The following BMS1 variants were observed in gnomAD, a reference collection of about 807,000 sequenced individuals.
BMS1 encodes the protein ribosome biogenesis protein BMS1 homolog.
A neutral mutation model predicts 138.7 loss-of-function variants in BMS1; 53 were observed. That is an observed-to-expected ratio of 0.38 (90% confidence interval 0.31 to 0.48). BMS1 has a LOEUF of 0.48. Ranked by LOEUF, BMS1 falls within the 20% of genes least tolerant of loss-of-function variation. BMS1 has a pLI of 0.97. For missense variants in BMS1, 1,360 were observed against 1,565.5 expected (o/e 0.87, Z 2.22); for synonymous variants, 504 against 539.9 (o/e 0.93, Z 0.92).
intron 4 of BMS1, among the ~76,000 whole-genome samples, chr10:42,787,655 G>C (rs1841378206): frequency 6.6e-6 from 1 of 152,148 alleles, no homozygotes; most frequent in South Asian, 2.1e-4. Flanking sequence ...CACCCTTGAG[G>C]TGAGTAGGTA....
At chr10:42,798,355 C>CA (rs1040551745) in intron 11 of BMS1, 113 bp from the exon 12 acceptor site, 18 of 1,330,786 alleles carry the variant, frequency 1.4e-5, no homozygotes, top group Non-Finnish European at 1.9e-5. Context: ...CCACCACAGA[C>CA]AGAGTCCCTC....
At chr10:42,811,776 G>A (rs992290438) in intron 13 of BMS1, among the ~76,000 whole-genome samples, 39 of 151,680 alleles carry the variant, frequency 2.6e-4, no homozygotes, top group African/African-American at 7.5e-4. Flanking sequence ...CGCCCGCCTC[G>A]GCCTCCCAAA....
chr10:42,814,880 G>A (rs891258288), intron 13 of BMS1, among the ~76,000 whole-genome samples: 3 of 152,062 alleles, frequency 2.0e-5, no homozygotes, highest in Admixed American at 6.5e-5. Context: ...CCTTTGATCT[G>A]GGGGGACTGA....
At chr10:42,792,893 A>G in intron 7 of BMS1, 64 bp from the exon 8 acceptor site, 1 of 1,526,662 alleles carries the variant, frequency 6.6e-7, no homozygotes, top group Non-Finnish European at 8.9e-7. Flanking sequence ...TTAACCCCCT[A>G]GTCAATGGTA....
intron 5 of BMS1, 25 bp from the exon 6 acceptor site, chr10:42,791,602 T>C: frequency 1.3e-6 from 2 of 1,574,632 alleles, no homozygotes; most frequent in Non-Finnish European, 1.7e-6. Context: ...TGAAATTTAA[T>C]TTTTAATTTT....
intron 2 of BMS1, among the ~76,000 whole-genome samples, chr10:42,785,194 A>G (rs1841288834): frequency 6.6e-6 from 1 of 152,216 alleles, no homozygotes; most frequent in African/African-American, 2.4e-5. Flanking sequence ...AATCACTCTT[A>G]AAACAGTCAG....
At chr10:42,810,024 A>T (rs1250692803) in intron 13 of BMS1, among the ~76,000 whole-genome samples, 3 of 134,734 alleles carry the variant, frequency 2.2e-5, no homozygotes, top group Non-Finnish European at 4.7e-5. Flanking sequence ...GCTTCAAGGG[A>T]ACTCTTGGCT....
chr10:42,809,951 A>G (rs958111560), intron 13 of BMS1, among the ~76,000 whole-genome samples: 8 of 130,568 alleles, frequency 6.1e-5, no homozygotes, highest in Non-Finnish European at 1.3e-4. Context: ...ATGTCTGGCT[A>G]ATTTTTTTTT....
In BMS1 at chr10:42,833,391, T is replaced by C. The variant is rs1385981944; in HGVS notation, c.*2295T>C. The C allele has an allele frequency of 6.6e-6, 1 of 152,214 alleles. No individual in the cohort carries two copies. The highest frequency in any genetic ancestry group is 1.5e-5 in the Non-Finnish European group (1 of 68,034). 9.4% of individuals were successfully genotyped at this position (152,214 alleles called of 1,614,324 possible). ...CACACATCAGTTAAGGATGGGGATA[T>C]ATTCTGAGAAATGTATCATTAGGCA... On this transcript the variant is annotated 3_prime_UTR_variant, in exon 23 of 23. Coordinates refer to ENST00000374518, the MANE Select transcript of BMS1 (RefSeq NM_014753.4).
intron 5 of BMS1, among the ~76,000 whole-genome samples, 174 bp downstream of exon 5, chr10:42,790,685 A>G (rs1483653720): frequency 6.6e-6 from 1 of 152,060 alleles, no homozygotes; most frequent in African/African-American, 2.4e-5. Flanking sequence ...CCCCATCTGT[A>G]CTAAAAATGC....
At chr10:42,802,277 G>A (rs1393419004) in intron 13 of BMS1, 59 bp downstream of exon 13, 3 of 1,476,802 alleles carry the variant, frequency 2.0e-6, no homozygotes, top group Admixed American at 1.7e-5. Context: ...ATTTTCTTCA[G>A]TATCTTAGAC....
Position 42,784,346 on chromosome 10 carries a change from A to T in BMS1, c.-33-16A>T. ...ATGCTTCTCCCATCTCCTTACCCCAACCTTCTTCCTTGTAGGTTAGAGTTA... is the reference window on the plus strand; with the variant it reads ...ATGCTTCTCCCATCTCCTTACCCCATCCTTCTTCCTTGTAGGTTAGAGTTA... On this transcript the variant is annotated splice_polypyrimidine_tract_variant and intron_variant, in intron 1 of 22. Transcript: ENST00000374518. 6.5e-7 allele frequency: 1 copy of T among 1,530,010 alleles called. No individual in the cohort carries two copies. Among genetic ancestry groups the T allele is most frequent in the Non-Finnish European group, 8.7e-7 (1 of 1,144,822 alleles). 94.8% of individuals were successfully genotyped at this position (1,530,010 alleles called of 1,614,324 possible).
intron 9 of BMS1, among the ~76,000 whole-genome samples, chr10:42,795,666 T>G (rs376627709): frequency 6.6e-6 from 1 of 152,122 alleles, no homozygotes; most frequent in South Asian, 2.1e-4. Context: ...GGTATGATTT[T>G]CAGTTTTTTC....
chr10:42,802,042 T>C (rs955608208), intron 12 of BMS1, 95 bp from the exon 13 acceptor site: 3 of 884,306 alleles, frequency 3.4e-6, no homozygotes, highest in African/African-American at 3.4e-5. Flanking sequence ...AAGTGGGAAA[T>C]ATTTAAAGGC....
chr10:42,803,402 G>A (rs1178193397), intron 13 of BMS1, among the ~76,000 whole-genome samples: 1 of 152,122 alleles, frequency 6.6e-6, no homozygotes, highest in East Asian at 1.9e-4. Context: ...GCCTTCCAAA[G>A]TGCTGGGATT....
intron 13 of BMS1, among the ~76,000 whole-genome samples, chr10:42,814,278 T>G: frequency 6.6e-6 from 1 of 152,194 alleles, no homozygotes; most frequent in Non-Finnish European, 1.5e-5. Context: ...TTCATTTGTT[T>G]TCAGGTTATT....
At chr10:42,807,186 G>A (rs927571222) in intron 13 of BMS1, among the ~76,000 whole-genome samples, 3 of 152,120 alleles carry the variant, frequency 2.0e-5, no homozygotes, top group Non-Finnish European at 2.9e-5. Context: ...ACACACCCAC[G>A]TCCCTGCTGT....
intron 18 of BMS1, 150 bp from the exon 19 acceptor site, chr10:42,821,912 A>G (rs1418936515): frequency 1.2e-6 from 1 of 809,360 alleles, no homozygotes; most frequent in Non-Finnish European, 2.0e-6. Flanking sequence ...CTTTTGTCAA[A>G]CCACTGGGTT....
chr10:42,819,624 A>C (rs1588751147), intron 15 of BMS1, among the ~76,000 whole-genome samples: 1 of 152,146 alleles, frequency 6.6e-6, no homozygotes, highest in Non-Finnish European at 1.5e-5. Context: ...GTGTGAAAGA[A>C]TTGTTCAGAA....
Sources: gnomAD v4.1 joint callset for allele counts (sites outside exome capture counted in the v4.1 genomes callset) on GRCh38, gnomAD v4.1.1 for gene constraint, MANE v1.5 for transcripts, NCBI Gene and HGNC (gene_info 2026-07-23, HGNC 2026-07-21) for gene names.